Variants in FAM241A observed in about 807,000 individuals in gnomAD.
FAM241A encodes the protein family with sequence similarity 241 member A.
A neutral mutation model predicts 12.2 loss-of-function variants in FAM241A; 7 were observed. The observed-to-expected ratio is 0.58, with a 90% CI of 0.33 to 1.08. The LOEUF is 1.08. Among genes scored for constraint, FAM241A ranks in the 50% least tolerant of loss-of-function variants. FAM241A has a pLI of 0.04. For missense variants in FAM241A, 161 were observed against 169.7 expected (o/e 0.95, Z 0.29); for synonymous variants, 74 against 68.2 (o/e 1.08, Z -0.42).
chr4:112,176,441 G>A (rs1213665290), intron 1 of FAM241A, among the ~76,000 whole-genome samples: 2 of 152,170 alleles, frequency 1.3e-5, no homozygotes, highest in African/African-American at 4.8e-5. Context: ...AGAGTCAGTG[G>A]TTAAGTAATT....
intron 1 of FAM241A, among the ~76,000 whole-genome samples, chr4:112,170,951 A>T (rs1723706678): frequency 6.6e-6 from 1 of 150,760 alleles, no homozygotes; most frequent in South Asian, 2.1e-4. Flanking sequence ...CAACTTCTAT[A>T]GTTTTTCTTT....
At chr4:112,157,387 T>A (rs1489664452) in intron 1 of FAM241A, among the ~76,000 whole-genome samples, 1 of 152,148 alleles carries the variant, frequency 6.6e-6, no homozygotes, top group Non-Finnish European at 1.5e-5. Context: ...ATTAATAATA[T>A]TCTAAGCAAT....
chr4:112,185,601 C>T (rs922890369), intron 1 of FAM241A, among the ~76,000 whole-genome samples: 2 of 152,148 alleles, frequency 1.3e-5, no homozygotes, highest in African/African-American at 2.4e-5. Context: ...TTCAAAAAGG[C>T]CCCCATGGAA....
At chr4:112,184,017 T>C (rs1723993912) in intron 1 of FAM241A, among the ~76,000 whole-genome samples, 1 of 152,140 alleles carries the variant, frequency 6.6e-6, no homozygotes. Flanking sequence ...CCACAAATTA[T>C]AACTTAAGAG....
intron 1 of FAM241A, among the ~76,000 whole-genome samples, chr4:112,161,331 T>A (rs1723462784): frequency 6.6e-6 from 1 of 151,738 alleles, no homozygotes; most frequent in Admixed American, 6.6e-5. Context: ...CTGAAGGAGA[T>A]ACAGACACAA....
rs979551294 is a variant in FAM241A at position 112,193,565 on chromosome 4, T to A, written c.*6627T>A. 5 of 152,266 alleles carry A rather than the reference T, an allele frequency of 3.3e-5. No homozygotes were observed. The highest frequency in any genetic ancestry group is 9.6e-5 in the African/African-American group (4 of 41,476). 9.4% of individuals were successfully genotyped at this position (152,266 alleles called of 1,614,324 possible). On this transcript the variant is annotated 3_prime_UTR_variant, in exon 2 of 2. Coordinates refer to ENST00000309733, the MANE Select transcript of FAM241A (RefSeq NM_152400.3). Reference sequence around the variant, plus strand: ...GGATCCAGTTTCAGCTTTCTACATATGGCTAGCCAGTTTTCCCAGCACCAT... The same window carrying A: ...GGATCCAGTTTCAGCTTTCTACATAAGGCTAGCCAGTTTTCCCAGCACCAT...
intron 1 of FAM241A, among the ~76,000 whole-genome samples, chr4:112,159,911 A>G (rs1302356223): frequency 6.6e-6 from 1 of 152,232 alleles, no homozygotes; most frequent in Admixed American, 6.5e-5. Flanking sequence ...CAACATAGTA[A>G]TGGAAGTCCT....
rs377273300 is a variant in FAM241A at position 112,189,887 on chromosome 4, T to TA, written c.*2950dup. 36 of 149,634 alleles carry TA rather than the reference T, an allele frequency of 2.4e-4. No individual in the cohort carries two copies. Among genetic ancestry groups the TA allele is most frequent in the African/African-American group, 8.9e-4 (36 of 40,486 alleles). 9.3% of individuals were successfully genotyped at this position (149,634 alleles called of 1,614,324 possible). On this transcript the variant is annotated 3_prime_UTR_variant, in exon 2 of 2. Transcript: ENST00000309733. ...TTCCTTGAAAGCCAGCTGTTAAACATACATCAGCACACCCTAGAGGCCACA... is the reference window on the plus strand; with the variant it reads ...TTCCTTGAAAGCCAGCTGTTAAACATAACATCAGCACACCCTAGAGGCCACA...
In FAM241A at chr4:112,181,291, A is replaced by G. The variant is rs150494697; in HGVS notation, c.154-5402A>G. Among the ~76,000 whole-genome samples, 568 of 152,198 alleles carry G rather than the reference A, an allele frequency of 3.7e-3. 2 individuals carry two copies. The highest frequency in any genetic ancestry group is 0.013 in the African/African-American group (543 of 41,556). On this transcript the variant is annotated intron_variant, in intron 1 of 1. Coordinates refer to ENST00000309733, the MANE Select transcript of FAM241A (RefSeq NM_152400.3). ...TGTTTTCAGATTACTGTAGTAAATA[A>G]TATTTTGGAAAATAGTGCCCATCTT...
At chr4:112,153,770 C>T (rs1201100169) in intron 1 of FAM241A, among the ~76,000 whole-genome samples, 2 of 152,156 alleles carry the variant, frequency 1.3e-5, no homozygotes, top group Non-Finnish European at 2.9e-5. Context: ...ACAACTGCAG[C>T]TTATCAGAGT....
chr4:112,146,580 T>C (rs1285385757), intron 1 of FAM241A, among the ~76,000 whole-genome samples: 1 of 152,242 alleles, frequency 6.6e-6, no homozygotes, highest in Non-Finnish European at 1.5e-5. Flanking sequence ...AGCCGCTCTT[T>C]AGACTCACAT....
At chr4:112,152,995 T>C (rs930780421) in intron 1 of FAM241A, among the ~76,000 whole-genome samples, 1 of 152,204 alleles carries the variant, frequency 6.6e-6, no homozygotes. Context: ...ATTTTTCTTC[T>C]TTTTCTCTGG....
chr4:112,158,092 C>G (rs1004119429), intron 1 of FAM241A, among the ~76,000 whole-genome samples: 3 of 151,874 alleles, frequency 2.0e-5, no homozygotes, highest in African/African-American at 7.2e-5. Flanking sequence ...AAACTTTGTC[C>G]TTCATTATTT....
intron 1 of FAM241A, among the ~76,000 whole-genome samples, chr4:112,186,129 G>A (rs1304513852): frequency 6.6e-6 from 1 of 151,998 alleles, no homozygotes; most frequent in Admixed American, 6.6e-5. Context: ...TAACTACTGG[G>A]TAGACATTTG....
At chr4:112,183,296 A>C (rs1407704227) in intron 1 of FAM241A, among the ~76,000 whole-genome samples, 2 of 149,404 alleles carry the variant, frequency 1.3e-5, no homozygotes. Flanking sequence ...ATTAAAAAAA[A>C]AGAAGAAGAA....
chr4:112,185,074 A>G (rs1015746666), intron 1 of FAM241A, among the ~76,000 whole-genome samples: 1 of 152,114 alleles, frequency 6.6e-6, no homozygotes. Context: ...GTGAAGCCCT[A>G]TATCTAAAGG....
chr4:112,148,830 C>T (rs1241473621), intron 1 of FAM241A, among the ~76,000 whole-genome samples: 1 of 152,170 alleles, frequency 6.6e-6, no homozygotes, highest in Non-Finnish European at 1.5e-5. Flanking sequence ...CATCTCTAGT[C>T]CATTATTATA....
intron 1 of FAM241A, among the ~76,000 whole-genome samples, chr4:112,162,089 G>T (rs978112360): frequency 6.6e-6 from 1 of 152,074 alleles, no homozygotes; most frequent in Non-Finnish European, 1.5e-5. Flanking sequence ...TGCAGAAAAG[G>T]CCTTCGACAA....
chr4:112,146,882 A>G (rs1045441921), intron 1 of FAM241A, among the ~76,000 whole-genome samples: 1 of 152,256 alleles, frequency 6.6e-6, no homozygotes, highest in Non-Finnish European at 1.5e-5. Context: ...TGACTCAAGC[A>G]AATAATTTGG....
Sources: gnomAD v4.1 joint callset for allele counts (sites outside exome capture counted in the v4.1 genomes callset) on GRCh38, gnomAD v4.1.1 for gene constraint, MANE v1.5 for transcripts, NCBI Gene and HGNC (gene_info 2026-07-23, HGNC 2026-07-21) for gene names.